The following GTF2F2 variants were observed in gnomAD, a reference collection of about 807,000 sequenced individuals.
GTF2F2 encodes ATP-dependent helicase GTF2F2.
GTF2F2 carries 23 observed loss-of-function variants against 42.2 expected under a neutral mutation model. The observed-to-expected ratio is 0.55, with a 90% confidence interval of 0.39 to 0.77. The LOEUF is 0.77. Among genes scored for constraint, GTF2F2 ranks in the 30% least tolerant of loss-of-function variants. The probability of loss-of-function intolerance (pLI) is 0.00; values close to 1 mark genes in which losing one functional copy is unlikely to be tolerated. For synonymous variants in GTF2F2, 105 were observed against 100.8 expected (o/e 1.04, Z -0.25); for missense variants, 261 against 287.2 (o/e 0.91, Z 0.66).
chr13:45,176,685 A>G (rs1871892319), intron 4 of GTF2F2, among the ~76,000 whole-genome samples: 1 of 152,106 alleles, frequency 6.6e-6, no homozygotes, highest in Non-Finnish European at 1.5e-5. Context: ...TAAGAAATTG[A>G]GATCATAAAG....
intron 5 of GTF2F2, among the ~76,000 whole-genome samples, chr13:45,245,588 G>A (rs952672340): frequency 2.7e-5 from 4 of 149,212 alleles, no homozygotes; most frequent in Non-Finnish European, 4.4e-5. Context: ...TTAGAATAAC[G>A]GTCTCCAACT....
chr13:45,260,779 G>A (rs532311828), intron 6 of GTF2F2, among the ~76,000 whole-genome samples: 3 of 152,134 alleles, frequency 2.0e-5, no homozygotes, highest in East Asian at 1.9e-4. Flanking sequence ...CAGCACTTTC[G>A]GAGGCTGAGG....
intron 1 of GTF2F2, among the ~76,000 whole-genome samples, chr13:45,129,362 AC>A (rs772160363): frequency 2.0e-5 from 3 of 152,032 alleles, no homozygotes; most frequent in Non-Finnish European, 4.4e-5. Context: ...GGCACACACC[AC>A]CATGCCTGGC....
chr13:45,279,304 A>G (rs1014202628), intron 7 of GTF2F2, among the ~76,000 whole-genome samples: 5 of 152,184 alleles, frequency 3.3e-5, no homozygotes, highest in African/African-American at 1.2e-4. Context: ...TCCTGGTAGA[A>G]CCTTTAAAAC....
chr13:45,155,734 G>C (rs1414465661), intron 4 of GTF2F2, among the ~76,000 whole-genome samples: 1 of 151,786 alleles, frequency 6.6e-6, no homozygotes, highest in Non-Finnish European at 1.5e-5. Flanking sequence ...TTCCACTTCT[G>C]CTTTCCTCTA....
At chr13:45,233,748 A>G (rs771453744) in intron 5 of GTF2F2, among the ~76,000 whole-genome samples, 24 of 152,086 alleles carry the variant, frequency 1.6e-4, no homozygotes, top group Non-Finnish European at 2.5e-4. Context: ...CCCCATCTCT[A>G]CAAAATATAG....
At chr13:45,267,769 G>A (rs2138265105) in intron 7 of GTF2F2, among the ~76,000 whole-genome samples, 1 of 146,560 alleles carries the variant, frequency 6.8e-6, no homozygotes, top group South Asian at 2.2e-4. Context: ...TTTTGTCATT[G>A]TGGGAGGGTT....
chr13:45,176,866 A>G (rs563111312), intron 4 of GTF2F2, among the ~76,000 whole-genome samples: 15 of 151,908 alleles, frequency 9.9e-5, no homozygotes, highest in Non-Finnish European at 1.9e-4. Context: ...GCTCACTGCA[A>G]CCTCTGTCTC....
rs1303632294 is a variant in GTF2F2 at position 45,203,302 on chromosome 13, C to T, written c.305-4122C>T. ...GTTTCCTTGTGTTGCCTGGGCTAGT[C>T]TCAAACTCCTGGCCTCAAGTGATCT... On this transcript the variant is annotated intron_variant, in intron 4 of 7. Transcript: ENST00000340473. Among the ~76,000 whole-genome samples, 5 of 149,370 alleles carry T rather than the reference C, an allele frequency of 3.3e-5. No homozygotes were observed. In the East Asian group the frequency reaches 9.9e-4, roughly 29 times the overall value.
At chr13:45,184,552 C>A (rs1437118010) in intron 4 of GTF2F2, among the ~76,000 whole-genome samples, 1 of 151,968 alleles carries the variant, frequency 6.6e-6, no homozygotes, top group Non-Finnish European at 1.5e-5. Flanking sequence ...TGTAGCTAGC[C>A]TTTTTTCCCT....
Position 45,123,791 on chromosome 13 carries a change from A to ATT in GTF2F2, c.66+3088_66+3089dup, listed in dbSNP as rs201828514. On this transcript the variant is annotated intron_variant, in intron 1 of 7. Coordinates refer to ENST00000340473, the MANE Select transcript of GTF2F2 (RefSeq NM_004128.3). ...TGAAGTGCTATTTCTGGAATTTTGA[A>ATT]TTTTTTTTTTTTTTTTTTTGGCTGA... Among the ~76,000 whole-genome samples, 111 of 136,036 alleles carry ATT rather than the reference A, an allele frequency of 8.2e-4. 2 individuals carry two copies. The highest frequency in any genetic ancestry group is 1.5e-3 in the Admixed American group (20 of 13,484). The allele number at this position is 136,036 out of a possible 152,430, so 89.2% of individuals were successfully genotyped here.
chr13:45,135,656 A>C (rs1027936366), intron 1 of GTF2F2, among the ~76,000 whole-genome samples: 1 of 152,172 alleles, frequency 6.6e-6, no homozygotes, highest in Non-Finnish European at 1.5e-5. Context: ...TTGCTGTACC[A>C]AGGTACTGCA....
At chr13:45,247,233 A>C (rs1431232606) in intron 5 of GTF2F2, among the ~76,000 whole-genome samples, 1 of 149,744 alleles carries the variant, frequency 6.7e-6, no homozygotes, top group Non-Finnish European at 1.5e-5. Flanking sequence ...GTGGTGGTGC[A>C]TGCCTGTAAT....
In GTF2F2 at chr13:45,157,994, A is replaced by G. The variant is rs116823626; in HGVS notation, c.304+6163A>G. On this transcript the variant is annotated intron_variant, in intron 4 of 7. Transcript: ENST00000340473. ...TCTGCCAGTGATACATTATTCTTCT[A>G]TTGTCTTGGCCATAATAATTCTTAG... is the stretch of plus-strand genomic sequence containing the variant. Among the ~76,000 whole-genome samples the G allele has an allele frequency of 6.5e-3, 989 of 152,044 alleles. 12 individuals are homozygous for G. Among genetic ancestry groups the G allele is most frequent in the African/African-American group, 0.023 (945 of 41,466 alleles).
intron 4 of GTF2F2, among the ~76,000 whole-genome samples, chr13:45,171,588 T>C (rs1285869657): frequency 6.6e-6 from 1 of 152,194 alleles, no homozygotes; most frequent in Non-Finnish European, 1.5e-5. Context: ...AAGGAGTATT[T>C]ACATTATATT....
intron 5 of GTF2F2, among the ~76,000 whole-genome samples, chr13:45,238,395 A>G (rs554112502): frequency 6.6e-6 from 1 of 152,246 alleles, no homozygotes; most frequent in East Asian, 1.9e-4. Flanking sequence ...GATCAGCTCA[A>G]CGTTTTTTCC....
chr13:45,246,232 C>T (rs574241602), intron 5 of GTF2F2, among the ~76,000 whole-genome samples: 9 of 151,674 alleles, frequency 5.9e-5, no homozygotes, highest in Non-Finnish European at 1.2e-4. Flanking sequence ...AGGATGGTCT[C>T]GATCTCCTGA....
At chr13:45,198,914 GT>G (rs1415090455) in intron 4 of GTF2F2, among the ~76,000 whole-genome samples, 8 of 152,142 alleles carry the variant, frequency 5.3e-5, no homozygotes, top group African/African-American at 1.4e-4. Flanking sequence ...TTATTGACAT[GT>G]TTTAAGAATC....
intron 1 of GTF2F2, among the ~76,000 whole-genome samples, chr13:45,131,187 A>G (rs1435793805): frequency 6.6e-6 from 1 of 151,846 alleles, no homozygotes; most frequent in Non-Finnish European, 1.5e-5. Context: ...CAGCCTGGGC[A>G]ACAAGAGTGA....
Sources: gnomAD v4.1 joint callset for allele counts (sites outside exome capture counted in the v4.1 genomes callset) on GRCh38, gnomAD v4.1.1 for gene constraint, MANE v1.5 for transcripts, NCBI Gene and HGNC (gene_info 2026-07-23, HGNC 2026-07-21) for gene names.